PBX3: variants seen among roughly 807,000 people sequenced by gnomAD.
PBX3 encodes PBX homeobox 3, also known as pre-B-cell leukemia transcription factor 3.
In PBX3, 14 loss-of-function variants were observed where a neutral mutation model predicts 48.5. The observed-to-expected ratio is 0.29, with a 90% CI of 0.19 to 0.45. The LOEUF (loss-of-function observed/expected upper bound fraction) is 0.45, where lower values mean the gene tolerates loss of function less well. Among genes scored for constraint, PBX3 ranks in the 20% least tolerant of loss-of-function variants. PBX3 has a pLI of 1.00. For missense variants in PBX3, 386 were observed against 546.7 expected (o/e 0.71, Z 2.93); for synonymous variants, 210 against 200.3 (o/e 1.05, Z -0.41).
intron 2 of PBX3, among the ~76,000 whole-genome samples, chr9:125,868,591 C>G (rs1297460048): frequency 2.0e-5 from 3 of 152,084 alleles, no homozygotes; most frequent in Non-Finnish European, 4.4e-5. Flanking sequence ...CAGTGCTGAC[C>G]TAGAATGTAG....
chr9:125,923,114 C>T (rs1841490556), intron 3 of PBX3, among the ~76,000 whole-genome samples: 1 of 152,236 alleles, frequency 6.6e-6, no homozygotes, highest in South Asian at 2.1e-4. Context: ...GTGAGACATT[C>T]AGCAAATGTT....
intron 2 of PBX3, among the ~76,000 whole-genome samples, chr9:125,780,405 G>A (rs1837231644): frequency 1.2e-5 from 1 of 81,180 alleles, no homozygotes; most frequent in Non-Finnish European, 2.4e-5. Context: ...GGCTGGCCGG[G>A]CGGGGGGCTG....
At chr9:125,914,790 A>T (rs1186709250) in intron 2 of PBX3, among the ~76,000 whole-genome samples, 1 of 152,124 alleles carries the variant, frequency 6.6e-6, no homozygotes, top group East Asian at 1.9e-4. Flanking sequence ...AGCTGTCATG[A>T]CTCCAATGCT....
At chr9:125,901,197 C>CTTGA (rs1840937978) in intron 2 of PBX3, among the ~76,000 whole-genome samples, 1 of 151,556 alleles carries the variant, frequency 6.6e-6, no homozygotes, top group African/African-American at 2.4e-5. Context: ...TGCCAGGGAG[C>CTTGA]TCAAAGGTGG....
chr9:125,782,250 C>G (rs1837340996), intron 2 of PBX3, among the ~76,000 whole-genome samples: 1 of 152,128 alleles, frequency 6.6e-6, no homozygotes, highest in African/African-American at 2.4e-5. Context: ...GGAAACTCCT[C>G]TTTTTCAAAC....
chr9:125,856,477 A>G (rs1236192847), intron 2 of PBX3, among the ~76,000 whole-genome samples: 4 of 152,232 alleles, frequency 2.6e-5, no homozygotes, highest in Non-Finnish European at 5.9e-5. Context: ...CTGGCCTTGC[A>G]TCTGTATTTG....
intron 2 of PBX3, among the ~76,000 whole-genome samples, chr9:125,763,870 A>G (rs1836734281): frequency 6.6e-6 from 1 of 152,178 alleles, no homozygotes; most frequent in African/African-American, 2.4e-5. Context: ...TTTTTATTTC[A>G]TAAATATTAT....
intron 2 of PBX3, among the ~76,000 whole-genome samples, chr9:125,793,364 A>ATATATATATATATATATATATAT (rs1263966407): frequency 3.9e-4 from 23 of 59,082 alleles, no homozygotes; most frequent in African/African-American, 1.2e-3. Flanking sequence ...GGGGAAAAAA[A>ATATATATATATATATATATATAT]AAATATATAT....
chr9:125,895,649 T>A (rs1840752312), intron 2 of PBX3, among the ~76,000 whole-genome samples: 1 of 152,094 alleles, frequency 6.6e-6, no homozygotes, highest in African/African-American at 2.4e-5. Flanking sequence ...GTGATAGATA[T>A]AATACTTTTT....
At chr9:125,834,993 G>A (rs1309290626) in intron 2 of PBX3, among the ~76,000 whole-genome samples, 1 of 109,802 alleles carries the variant, frequency 9.1e-6, no homozygotes, top group Non-Finnish European at 1.7e-5. Context: ...CTCCAGCCTC[G>A]GTGACGAGCA....
At chr9:125,964,803 C>T (rs1406976666) in intron 8 of PBX3, among the ~76,000 whole-genome samples, 1 of 152,132 alleles carries the variant, frequency 6.6e-6, no homozygotes, top group Non-Finnish European at 1.5e-5. Flanking sequence ...GCCTGGCAGC[C>T]CAGGCCTGAA....
chr9:125,836,333 T>C (rs542857687), intron 2 of PBX3, among the ~76,000 whole-genome samples: 1 of 152,244 alleles, frequency 6.6e-6, no homozygotes, highest in East Asian at 1.9e-4. Flanking sequence ...TAGTCCCAGC[T>C]ACTTGGGAGC....
intron 2 of PBX3, among the ~76,000 whole-genome samples, chr9:125,786,233 C>T (rs981607728): frequency 1.1e-4 from 17 of 152,152 alleles, no homozygotes; most frequent in African/African-American, 4.1e-4. Flanking sequence ...GAGATTTGAG[C>T]TACACATATG....
At chr9:125,900,121 G>T (rs985971734) in intron 2 of PBX3, among the ~76,000 whole-genome samples, 3 of 151,486 alleles carry the variant, frequency 2.0e-5, no homozygotes, top group Non-Finnish European at 4.4e-5. Flanking sequence ...GTCAAATAGT[G>T]ACCCGACATG....
intron 2 of PBX3, among the ~76,000 whole-genome samples, chr9:125,752,916 T>A (rs1416307048): frequency 6.6e-6 from 1 of 152,226 alleles, no homozygotes; most frequent in African/African-American, 2.4e-5. Flanking sequence ...TGTGTTTTCA[T>A]GAAACACATT....
intron 2 of PBX3, among the ~76,000 whole-genome samples, chr9:125,863,369 A>G (rs988148728): frequency 6.6e-6 from 1 of 151,686 alleles, no homozygotes; most frequent in Non-Finnish European, 1.5e-5. Context: ...ACACTCAGCT[A>G]TTTCTTTGTT....
chr9:125,934,457 C>T (rs543908068), intron 4 of PBX3, among the ~76,000 whole-genome samples: 1 of 152,230 alleles, frequency 6.6e-6, no homozygotes, highest in African/African-American at 2.4e-5. Flanking sequence ...TGAATTCTGA[C>T]AAATGATAAT....
At chr9:125,815,538 A>C (rs1588175440) in intron 2 of PBX3, among the ~76,000 whole-genome samples, 1 of 152,160 alleles carries the variant, frequency 6.6e-6, no homozygotes, top group East Asian at 1.9e-4. Context: ...CTTTGATTCC[A>C]TCAATATCAG....
intron 2 of PBX3, 55 bp downstream of exon 2, chr9:125,748,678 C>T: frequency 1.5e-6 from 2 of 1,378,410 alleles, no homozygotes; most frequent in Non-Finnish European, 2.1e-6. Flanking sequence ...GGGGTCGGAG[C>T]TACTCCTTCG....
Sources: allele counts gnomAD v4.1 joint callset (sites outside exome capture counted in the v4.1 genomes callset), GRCh38; gene constraint gnomAD v4.1.1; transcripts MANE v1.5; gene names NCBI Gene and HGNC (gene_info 2026-07-23, HGNC 2026-07-21).